RALGAPA2: variants seen among roughly 807,000 people sequenced by gnomAD.
The protein encoded by RALGAPA2 is ral GTPase-activating protein subunit alpha-2.
In RALGAPA2, 139 loss-of-function variants were observed where a neutral mutation model predicts 230.4. The observed-to-expected ratio is 0.60, with a 90% CI of 0.53 to 0.69. The LOEUF is 0.69. RALGAPA2 is among the 30% of genes least tolerant of loss of function. The pLI is 0.00. For missense variants in RALGAPA2, 2,163 were observed against 2,276.0 expected (o/e 0.95, Z 1.01); for synonymous variants, 847 against 837.8 (o/e 1.01, Z -0.19).
intron 37 of RALGAPA2, among the ~76,000 whole-genome samples, chr20:20,438,878 T>G (rs903091732): frequency 6.6e-6 from 1 of 152,190 alleles, no homozygotes; most frequent in Non-Finnish European, 1.5e-5. Context: ...AAATAAATCC[T>G]TTAGAAAAAA....
intron 37 of RALGAPA2, among the ~76,000 whole-genome samples, chr20:20,463,753 G>A (rs534478168): frequency 6.6e-6 from 1 of 152,208 alleles, no homozygotes; most frequent in South Asian, 2.1e-4. Flanking sequence ...AAGAAATATT[G>A]TCATTTATGG....
Position 20,572,421 on chromosome 20 carries a change from C to T in RALGAPA2, c.2901+454G>A, listed in dbSNP as rs552534619. 2.5e-3 allele frequency among the ~76,000 whole-genome samples: 359 copies of T among 145,420 alleles called. 1 individual carries two copies. The highest frequency in any genetic ancestry group is 7.4e-3 in the Middle Eastern group (2 of 270). ...TGGCGCCACTGCACTCCAGCCTGGGCGACAGGGCAAGCAAGACTCCATTTC... is the reference window on the plus strand; with the variant it reads ...TGGCGCCACTGCACTCCAGCCTGGGTGACAGGGCAAGCAAGACTCCATTTC... On this transcript the variant is annotated intron_variant, in intron 21 of 39. Transcript: ENST00000202677.
At chr20:20,420,254 T>C (rs369490942) in intron 37 of RALGAPA2, among the ~76,000 whole-genome samples, 3 of 152,236 alleles carry the variant, frequency 2.0e-5, no homozygotes, top group African/African-American at 7.2e-5. Flanking sequence ...GAGGCCCGAA[T>C]GGCTTGAGGC....
intron 35 of RALGAPA2, among the ~76,000 whole-genome samples, chr20:20,502,656 C>T (rs531612174): frequency 2.6e-5 from 4 of 152,322 alleles, no homozygotes; most frequent in African/African-American, 9.6e-5. Context: ...CCCTCAGTCC[C>T]TTGCATTTAT....
chr20:20,510,477 T>A (rs2062670021), intron 33 of RALGAPA2, among the ~76,000 whole-genome samples: 8 of 151,872 alleles, frequency 5.3e-5, no homozygotes, highest in Admixed American at 5.2e-4. Flanking sequence ...GAATTTTTAA[T>A]TTGAGAGCTG....
chr20:20,416,780 A>G (rs909209452), intron 37 of RALGAPA2, among the ~76,000 whole-genome samples: 11 of 152,350 alleles, frequency 7.2e-5, no homozygotes, highest in Non-Finnish European at 1.2e-4. Flanking sequence ...AGAAATAAAG[A>G]GAACTGTCTG....
chr20:20,520,763 AAAC>A (rs1303622413), intron 31 of RALGAPA2, among the ~76,000 whole-genome samples, 151 bp downstream of exon 31: 3 of 152,216 alleles, frequency 2.0e-5, no homozygotes, highest in Non-Finnish European at 4.4e-5. Flanking sequence ...AAAAAAGAAG[AAAC>A]AAGGAAGGCA....
At chr20:20,458,718 A>C (rs1437933544) in intron 37 of RALGAPA2, among the ~76,000 whole-genome samples, 1 of 136,450 alleles carries the variant, frequency 7.3e-6, no homozygotes, top group African/African-American at 2.7e-5. Context: ...ACACACCTAT[A>C]TATATATATA....
intron 1 of RALGAPA2, among the ~76,000 whole-genome samples, chr20:20,705,795 A>C (rs763613158): frequency 6.6e-6 from 1 of 151,994 alleles, no homozygotes; most frequent in Non-Finnish European, 1.5e-5. Context: ...CAGCCTCCCG[A>C]GCAGCTGGGA....
intron 1 of RALGAPA2, among the ~76,000 whole-genome samples, chr20:20,687,286 T>C (rs2068739614): frequency 1.3e-5 from 2 of 152,188 alleles, no homozygotes; most frequent in Non-Finnish European, 1.5e-5. Flanking sequence ...AGGATGGATA[T>C]CATTAGTAAT....
At chr20:20,524,042 T>C (rs1047125361) in intron 30 of RALGAPA2, among the ~76,000 whole-genome samples, 1 of 152,092 alleles carries the variant, frequency 6.6e-6, no homozygotes, top group Non-Finnish European at 1.5e-5. Flanking sequence ...CTGCAAACTC[T>C]GCCTCCCAGG....
chr20:20,620,326 C>T, intron 11 of RALGAPA2, 137 bp downstream of exon 11: 2 of 873,574 alleles, frequency 2.3e-6, no homozygotes, highest in Non-Finnish European at 3.4e-6. Flanking sequence ...TCACAGAACT[C>T]AGCAACTCAG....
At chr20:20,622,127 G>A (rs1490913896) in intron 10 of RALGAPA2, among the ~76,000 whole-genome samples, 1 of 152,128 alleles carries the variant, frequency 6.6e-6, no homozygotes, top group African/African-American at 2.4e-5. Flanking sequence ...CATAGCTGAA[G>A]AGAAAACTGG....
At position 20,512,785 on chromosome 20, in the gene RALGAPA2, G is replaced by A. The variant is rs2062751515; in HGVS notation, c.4584C>T (p.Gly1528=). ...GTAAAAGGCATTCAGGACTTGTATG[G>A]CCAATGTTTTCAAGTAATTTGTCAA... The part of the protein sequence containing the change: ...DVLDKLLENI[G]HTSPECLLPS... The change falls in exon 32 of 40, where the codon GGC becomes GGT. Residue 1528 remains glycine, a synonymous_variant. Transcript: ENST00000202677. 1 of 1,613,688 alleles carries A rather than the reference G, an allele frequency of 6.2e-7. No individual in the cohort carries two copies. The highest frequency in any genetic ancestry group is 1.1e-5 in the South Asian group (1 of 91,086).
intron 3 of RALGAPA2, chr20:20,659,793 G>A (rs2067709010): frequency 1.1e-6 from 1 of 900,232 alleles, no homozygotes; most frequent in South Asian, 1.3e-5. Flanking sequence ...AAGATGGAGA[G>A]AAGGAAAAAA....
intron 31 of RALGAPA2, among the ~76,000 whole-genome samples, chr20:20,518,365 G>A (rs1352913931): frequency 6.6e-6 from 1 of 152,140 alleles, no homozygotes; most frequent in Admixed American, 6.6e-5. Context: ...ACCCTGACCA[G>A]AGATAGTTTT....
chr20:20,611,549 T>C (rs949957968), intron 13 of RALGAPA2, 123 bp from the exon 14 acceptor site: 106 of 1,404,230 alleles, frequency 7.5e-5, no homozygotes, highest in East Asian at 1.6e-4. Context: ...CTCGAAACTA[T>C]TAAAGTCCAG....
In RALGAPA2 at chr20:20,534,424, G is replaced by A. The variant is rs184044925; in HGVS notation, c.3473+1321C>T. ...TGTGCCACTGCACTCCAGCCTGGGC[G>A]ATAGAGCAAGACCCCATCTCAAAAA... On this transcript the variant is annotated intron_variant, in intron 26 of 39. Coordinates refer to ENST00000202677, the MANE Select transcript of RALGAPA2 (RefSeq NM_020343.4). Among the ~76,000 whole-genome samples, 163 of 150,178 alleles carry A rather than the reference G, an allele frequency of 1.1e-3. 1 individual carries two copies. The South Asian group carries it at 0.012, about 11-fold the overall frequency.
chr20:20,559,276 T>A (rs183529630), intron 23 of RALGAPA2, among the ~76,000 whole-genome samples: 82 of 152,332 alleles, frequency 5.4e-4, no homozygotes, highest in Non-Finnish European at 8.8e-4. Context: ...AACCCTCTAA[T>A]GTGGGTGGAG....
Sources: allele counts gnomAD v4.1 joint callset (sites outside exome capture counted in the v4.1 genomes callset), GRCh38; gene constraint gnomAD v4.1.1; transcripts MANE v1.5; gene names NCBI Gene and HGNC (gene_info 2026-07-23, HGNC 2026-07-21).